Variants in TSNARE1 observed in about 807,000 individuals in gnomAD.
TSNARE1 encodes the protein t-SNARE domain-containing protein 1.
Under a neutral mutation model 62.0 loss-of-function variants are expected in TSNARE1, and 49 were observed. The observed-to-expected ratio is 0.79, with a 90% CI of 0.63 to 1.00. The LOEUF is 1.00. Ranked by LOEUF, TSNARE1 falls within the 50% of genes least tolerant of loss-of-function variation. TSNARE1 has a pLI of 0.00. For missense variants in TSNARE1, 755 were observed against 700.1 expected (o/e 1.08, Z -0.88); for synonymous variants, 328 against 294.4 (o/e 1.11, Z -1.17).
intron 12 of TSNARE1, among the ~76,000 whole-genome samples, chr8:142,253,831 C>T (rs1391137564): frequency 2.0e-5 from 3 of 152,186 alleles, no homozygotes; most frequent in Admixed American, 6.5e-5. Flanking sequence ...TGTTGTGTGT[C>T]GCCACCCTCA....
intron 11 of TSNARE1, chr8:142,276,134 G>A: frequency 4.1e-6 from 4 of 985,426 alleles, no homozygotes; most frequent in Non-Finnish European, 4.8e-6. Context: ...CCGCATCTGG[G>A]GGCTCCTGCC....
intron 4 of TSNARE1, 58 bp downstream of exon 4, chr8:142,343,908 C>A: frequency 7.0e-7 from 1 of 1,433,876 alleles, no homozygotes. Flanking sequence ...AAGATGGGCC[C>A]CCCCCTCCTG....
chr8:142,385,752 T>C (rs541480182), intron 1 of TSNARE1, among the ~76,000 whole-genome samples: 1 of 152,332 alleles, frequency 6.6e-6, no homozygotes, highest in East Asian at 1.9e-4. Flanking sequence ...TACATTCATT[T>C]TGTAATTACT....
chr8:142,358,479 C>T (rs1468858832), intron 1 of TSNARE1, among the ~76,000 whole-genome samples: 1 of 152,120 alleles, frequency 6.6e-6, no homozygotes, highest in African/African-American at 2.4e-5. Context: ...CAACTCCCCT[C>T]TGCTCCGGCC....
intron 13 of TSNARE1, among the ~76,000 whole-genome samples, chr8:142,218,668 AG>A (rs1320813697): frequency 1.3e-5 from 2 of 152,138 alleles, no homozygotes; most frequent in African/African-American, 4.8e-5. Context: ...CGACACACTC[AG>A]GGTCCAAATG....
intron 11 of TSNARE1, chr8:142,279,905 CA>C: frequency 1.9e-6 from 2 of 1,040,154 alleles, no homozygotes; most frequent in Non-Finnish European, 2.3e-6. Context: ...GGACCGTGGG[CA>C]GAAAAGGTCT....
At chr8:142,260,665 A>C (rs1203570993) in intron 12 of TSNARE1, among the ~76,000 whole-genome samples, 1 of 152,012 alleles carries the variant, frequency 6.6e-6, no homozygotes, top group Non-Finnish European at 1.5e-5. Flanking sequence ...TCACCCCAGC[A>C]GTCGGCTGAG....
chr8:142,274,998 C>T lies in TSNARE1; in HGVS notation c.1364-135G>A, dbSNP rs1474899988. ...GGAGCAGAGGCTGCAGGGATGGGCGCTGGGCTGCCAGACGTGCCGAGGGCT... is the reference window on the plus strand; with the variant it reads ...GGAGCAGAGGCTGCAGGGATGGGCGTTGGGCTGCCAGACGTGCCGAGGGCT... On this transcript the variant is annotated intron_variant, in intron 11 of 13. Transcript: ENST00000524325. The T allele has an allele frequency of 3.6e-6, 5 of 1,376,240 alleles. No individual in the cohort carries two copies. In the African/African-American group the frequency reaches 6.1e-5, roughly 17 times the overall value. The allele number at this position is 1,376,240 out of a possible 1,614,324, so 85.3% of individuals were successfully genotyped here.
intron 2 of TSNARE1, among the ~76,000 whole-genome samples, chr8:142,354,126 G>C (rs1834485767): frequency 6.6e-6 from 1 of 152,160 alleles, no homozygotes; most frequent in Non-Finnish European, 1.5e-5. Flanking sequence ...CCTGCAGGGT[G>C]GGGGTGGATG....
At chr8:142,273,412 G>C (rs1377816213) in intron 12 of TSNARE1, 1 of 985,288 alleles carries the variant, frequency 1.0e-6, no homozygotes, top group South Asian at 4.7e-5. Context: ...CTGCCTCCTG[G>C]AGGCCCCTGG....
At chr8:142,263,681 T>C (rs949793441) in intron 12 of TSNARE1, among the ~76,000 whole-genome samples, 2 of 152,256 alleles carry the variant, frequency 1.3e-5, no homozygotes, top group Non-Finnish European at 1.5e-5. Context: ...CTTTAAAGAA[T>C]GACTGAGGCT....
At chr8:142,391,738 G>A (rs1284712932) in intron 1 of TSNARE1, among the ~76,000 whole-genome samples, 1 of 152,260 alleles carries the variant, frequency 6.6e-6, no homozygotes, top group Non-Finnish European at 1.5e-5. Context: ...CCCTGCCGCA[G>A]CAGCCGGCAT....
intron 11 of TSNARE1, chr8:142,276,019 G>A: frequency 1.0e-6 from 1 of 985,394 alleles, no homozygotes; most frequent in Non-Finnish European, 1.2e-6. Context: ...CCCCACCCAG[G>A]CCTCACAGGG....
At chr8:142,337,436 C>G (rs1347694941) in intron 4 of TSNARE1, among the ~76,000 whole-genome samples, 1 of 152,250 alleles carries the variant, frequency 6.6e-6, no homozygotes, top group East Asian at 1.9e-4. Flanking sequence ...AACGCGAAAG[C>G]ATCCATCGAT....
chr8:142,316,424 G>A (rs1005454834), intron 7 of TSNARE1, among the ~76,000 whole-genome samples: 4 of 151,796 alleles, frequency 2.6e-5, no homozygotes, highest in African/African-American at 4.8e-5. Context: ...CCCCATCACT[G>A]GACAGGGGAC....
intron 12 of TSNARE1, among the ~76,000 whole-genome samples, chr8:142,265,980 G>A (rs1408286159): frequency 6.6e-6 from 1 of 152,188 alleles, no homozygotes; most frequent in Non-Finnish European, 1.5e-5. Context: ...TCAGACATGT[G>A]ATTTGCAAAT....
intron 12 of TSNARE1, among the ~76,000 whole-genome samples, chr8:142,232,178 G>A (rs1338077106): frequency 6.6e-6 from 1 of 152,254 alleles, no homozygotes; most frequent in East Asian, 1.9e-4. Flanking sequence ...GCAGGCCGAG[G>A]TGCATGCTGG....
intron 12 of TSNARE1, chr8:142,269,870 G>A (rs1259075365): frequency 2.0e-6 from 2 of 985,330 alleles, no homozygotes; most frequent in South Asian, 4.7e-5. Context: ...TACACCTCAG[G>A]TTCTTTCATA....
At chr8:142,387,479 C>T (rs1837188181) in intron 1 of TSNARE1, among the ~76,000 whole-genome samples, 1 of 151,866 alleles carries the variant, frequency 6.6e-6, no homozygotes, top group Non-Finnish European at 1.5e-5. Context: ...AATTCAAAAG[C>T]TGAATCTTGG....
Sources: gnomAD v4.1 joint callset for allele counts (sites outside exome capture counted in the v4.1 genomes callset) on GRCh38, gnomAD v4.1.1 for gene constraint, MANE v1.5 for transcripts, NCBI Gene and HGNC (gene_info 2026-07-23, HGNC 2026-07-21) for gene names.